The following SYNE1 variants were observed in gnomAD, a reference collection of about 807,000 sequenced individuals.
The protein encoded by SYNE1 is nesprin-1.
SYNE1 carries 616 observed loss-of-function variants against 1,111.0 expected under a neutral mutation model. The observed-to-expected ratio is 0.55, with a 90% CI of 0.52 to 0.59. The LOEUF (loss-of-function observed/expected upper bound fraction) is 0.59, where lower values mean the gene tolerates loss of function less well. SYNE1 is among the 20% of genes least tolerant of loss of function. The probability of loss-of-function intolerance (pLI) is 0.00; values close to 1 mark genes in which losing one functional copy is unlikely to be tolerated. For missense variants in SYNE1, 10,006 were observed against 10,417.0 expected, an observed-to-expected ratio of 0.96 and a Z score of 1.72; for synonymous variants, 3,855 against 3,825.8, an observed-to-expected ratio of 1.01 and a Z score of -0.28.
rs148248006 is a variant in SYNE1, at chr6:152,331,132, C to G, written c.13553G>C (p.Arg4518Pro). The G allele has an allele frequency of 6.2e-7, 1 of 1,614,092 alleles. No individual in the cohort carries two copies. The highest frequency in any genetic ancestry group is 8.5e-7 in the Non-Finnish European group (1 of 1,180,032). Residue 4518 changes from arginine to proline, a missense_variant, in exon 78 of 146, where the codon CGC (arginine) becomes CCC (proline). By Grantham distance (103) the Arg-to-Pro change is moderately radical. Coordinates refer to ENST00000367255, the MANE Select transcript of SYNE1 (RefSeq NM_182961.4). ...CTCTGTGACTTCCTTCATTAGTTCG[C>G]GACCCTGGGCCCAAAGTCCAGTGAC... ...NEVTGLWAQG[R>P]ELMKEVTEQE... is the part of the protein sequence containing the mutation.
At chr6:152,236,642 G>C (rs997217190) in intron 109 of SYNE1, among the ~76,000 whole-genome samples, 175 bp downstream of exon 109, 1 of 152,072 alleles carries the variant, frequency 6.6e-6, no homozygotes, top group African/African-American at 2.4e-5. Context: ...AAAGAAAAAA[G>C]AAAGACTTTT....
At position 152,505,390 on chromosome 6, in the gene SYNE1, C is replaced by T. The variant is rs1421050068; in HGVS notation, c.589G>A (p.Gly197Arg). Residue 197 changes from glycine to arginine, a missense_variant, in exon 9 of 146, where the codon GGA becomes AGA. Gly to Arg is a moderately radical substitution (Grantham distance 125, BLOSUM62 -2). Around this residue, in one of 7 missense-constraint regions of SYNE1, gnomAD observed 1,971 missense variants for 2,084.1 expected, o/e 0.95. Transcript: ENST00000367255. Reference sequence around the variant, plus strand: ...TTCCCAAAATCTTTTACTTCTATTCCAGTCTGCCTTTGTGTTATAAAAACA... The same window carrying T: ...TTCCCAAAATCTTTTACTTCTATTCTAGTCTGCCTTTGTGTTATAAAAACA... ...WVQYTAGKQT[G>R]IEVKDFGKSW... 6.2e-7 allele frequency: 1 copy of T among 1,613,740 alleles called. No individual in the cohort carries two copies. The highest frequency in any genetic ancestry group is 2.2e-5 in the East Asian group (1 of 44,894).
chr6:152,510,041 T>G, intron 8 of SYNE1, 152 bp downstream of exon 8: 1 of 813,926 alleles, frequency 1.2e-6, no homozygotes. Context: ...TTTGTGTTTA[T>G]ATCTCAATTC....
At position 152,444,602 on chromosome 6, in the gene SYNE1, A is replaced by C. The variant is rs755889020; in HGVS notation, c.3670-24T>G. 58 of 1,566,572 alleles carry C rather than the reference A, an allele frequency of 3.7e-5. No individual in the cohort carries two copies. The highest frequency in any genetic ancestry group is 1.0e-4 in the Admixed American group (6 of 58,480). On this transcript the variant is annotated intron_variant, in intron 29 of 145. Coordinates refer to ENST00000367255, the MANE Select transcript of SYNE1 (RefSeq NM_182961.4). The stretch of plus-strand genomic sequence containing the variant: ...ACCTATATTTTCATGAAAAAAAAAA[A>C]CACGTAAATCATATGCTACTTGTTG...
At chr6:152,371,900 A>AAGGAAAGGACAGGAC (rs2097193652) in intron 59 of SYNE1, among the ~76,000 whole-genome samples, 15 of 90,334 alleles carry the variant, frequency 1.7e-4, no homozygotes, top group African/African-American at 7.1e-4. Flanking sequence ...AAGGAAAGGA[A>AAGGAAAGGACAGGAC]AGGAAAGGAA....
At chr6:152,386,158 T>C (rs1474068186) in intron 54 of SYNE1, among the ~76,000 whole-genome samples, 2 of 152,144 alleles carry the variant, frequency 1.3e-5, no homozygotes, top group Non-Finnish European at 2.9e-5. Context: ...TTAAAGCAAT[T>C]ATTTGTTAGC....
Position 152,369,557 on chromosome 6 carries a change from G to T in SYNE1, c.9565C>A (p.Leu3189Met). Residue 3189 changes from leucine to methionine, a missense_variant, in exon 60 of 146, where the codon CTG (leucine) becomes ATG (methionine). Leu to Met is a conservative substitution (Grantham distance 15). Around this residue, in one of 7 missense-constraint regions of SYNE1, gnomAD observed 4,955 missense variants for 5,017.2 expected, o/e 0.99. Transcript: ENST00000367255. ...EVSAEPIQDW[L>M]SKTEKMVHES... ...TGGACCATCTTCTCAGTTTTACTCA[G>T]CCAGTCCTGGATAGGCTCAGCACTT... The T allele has an allele frequency of 1.2e-6, 2 of 1,614,122 alleles. No homozygotes were observed. Among genetic ancestry groups the T allele is most frequent in the Non-Finnish European group, 1.7e-6 (2 of 1,180,008 alleles).
At chr6:152,126,586 G>T (rs932513019) in intron 145 of SYNE1, 1 of 152,062 alleles carries the variant, frequency 6.6e-6, no homozygotes, top group African/African-American at 2.4e-5. Flanking sequence ...GTTCTGTCCA[G>T]CAAAAAACGT....
intron 77 of SYNE1, among the ~76,000 whole-genome samples, chr6:152,332,989 T>TA (rs5880964): frequency 0.79 from 120,839 of 152,018 alleles, 48,612 homozygotes; most frequent in African/African-American, 0.93. Context: ...CAAAGACGAG[T>TA]AAATGTTAAG....
intron 22 of SYNE1, among the ~76,000 whole-genome samples, chr6:152,458,252 T>C (rs2098709396): frequency 6.6e-6 from 1 of 152,216 alleles, no homozygotes; most frequent in Non-Finnish European, 1.5e-5. Context: ...GTACCCTTAA[T>C]GTTTGAAGTT....
At chr6:152,458,149 A>G (rs2098708406) in intron 22 of SYNE1, among the ~76,000 whole-genome samples, 1 of 152,220 alleles carries the variant, frequency 6.6e-6, no homozygotes, top group African/African-American at 2.4e-5. Flanking sequence ...TTAAAAGGAT[A>G]GACTATATGT....
intron 42 of SYNE1, 40 bp from the exon 43 acceptor site, chr6:152,409,749 A>G: frequency 6.2e-7 from 1 of 1,609,582 alleles, no homozygotes; most frequent in African/African-American, 1.3e-5. Context: ...GGTGTCATGT[A>G]TCAGGAAAAG....
chr6:152,198,739 A>G (rs867234058), intron 127 of SYNE1, among the ~76,000 whole-genome samples: 2 of 152,224 alleles, frequency 1.3e-5, no homozygotes, highest in Non-Finnish European at 2.9e-5. Context: ...ATCAGAACAC[A>G]TGCTACATTT....
chr6:152,339,516 GACTC>G, intron 74 of SYNE1, 150 bp from the exon 75 acceptor site: 1 of 1,148,832 alleles, frequency 8.7e-7, no homozygotes, highest in Non-Finnish European at 1.2e-6. Context: ...ATATATTAGT[GACTC>G]ACAGGAAAAA....
chr6:152,206,315 A>G lies in SYNE1; in HGVS notation c.22872T>C (p.Thr7624=), dbSNP rs771637971. 1.9e-6 allele frequency: 3 copies of G among 1,614,064 alleles called. No homozygotes were observed. Among genetic ancestry groups the G allele is most frequent in the African/African-American group, 1.3e-5 (1 of 75,066 alleles). Residue 7624 remains threonine (T), a synonymous_variant, in exon 126 of 146, where the codon ACT becomes ACC. Transcript: ENST00000367255. ...FLRQQGSYIL[T]VEAGKQLLLS... ...GAAGGAGTTGCTTGCCAGCCTCCAC[A>G]GTCAGGATGTAGCTGCCTTGTTGCC...
chr6:152,473,560 G>A (rs2098818792), intron 14 of SYNE1, among the ~76,000 whole-genome samples: 1 of 152,188 alleles, frequency 6.6e-6, no homozygotes, highest in South Asian at 2.1e-4. Context: ...CTTTGACTCT[G>A]AAGGTAAGTG....
intron 62 of SYNE1, chr6:152,366,927 C>A: frequency 1.8e-6 from 1 of 555,352 alleles, no homozygotes; most frequent in South Asian, 1.6e-5. Flanking sequence ...AAAATATTTT[C>A]CCATAATGAA....
intron 33 of SYNE1, 53 bp downstream of exon 33, chr6:152,435,888 T>C (rs1564002405): frequency 3.7e-6 from 6 of 1,600,952 alleles, no homozygotes; most frequent in African/African-American, 2.7e-5. Context: ...ACAGGAAAGA[T>C]TGTATGAAAC....
At chr6:152,398,549 T>C in intron 49 of SYNE1, 70 bp downstream of exon 49, 1 of 1,270,608 alleles carries the variant, frequency 7.9e-7, no homozygotes, top group Non-Finnish European at 1.2e-6. Flanking sequence ...GGAAATGAGA[T>C]AACTTAGGTC....
Sources: allele counts gnomAD v4.1 joint callset (sites outside exome capture counted in the v4.1 genomes callset), GRCh38; gene constraint gnomAD v4.1.1; regional missense constraint gnomAD v4.1.1; transcripts MANE v1.5; gene names NCBI Gene and HGNC (gene_info 2026-07-23, HGNC 2026-07-21).